Variants in FBXO15 observed in about 807,000 individuals in gnomAD.
The protein encoded by FBXO15 is F-box protein 15.
In FBXO15, 30 loss-of-function variants were observed where a neutral mutation model predicts 49.5. That is an observed-to-expected ratio of 0.61 (90% CI 0.45 to 0.82). FBXO15 has a LOEUF of 0.82. Ranked by LOEUF, FBXO15 falls within the 40% of genes least tolerant of loss-of-function variation. The pLI is 0.00. For missense variants in FBXO15, 591 were observed against 631.5 expected (o/e 0.94, Z 0.69); for synonymous variants, 250 against 232.7 (o/e 1.07, Z -0.68).
chr18:74,085,744 C>T (rs1346438022), intron 8 of FBXO15, among the ~76,000 whole-genome samples: 1 of 152,196 alleles, frequency 6.6e-6, no homozygotes, highest in East Asian at 1.9e-4. Flanking sequence ...ACAAAAACAA[C>T]TGGACATCCA....
intron 8 of FBXO15, among the ~76,000 whole-genome samples, chr18:74,112,684 TAGA>T (rs1914081252): frequency 6.6e-6 from 1 of 152,114 alleles, no homozygotes; most frequent in South Asian, 2.1e-4. Context: ...GAAAAGGAAA[TAGA>T]AGGTATCCTG....
intron 5 of FBXO15, among the ~76,000 whole-genome samples, chr18:74,128,686 G>A (rs1184500349): frequency 2.0e-5 from 3 of 152,202 alleles, no homozygotes; most frequent in African/African-American, 7.2e-5. Flanking sequence ...TTAGGAGGAA[G>A]CAATCAATGA....
chr18:74,106,509 T>TGAAGCC (rs1265423994), intron 8 of FBXO15, among the ~76,000 whole-genome samples: 1 of 152,160 alleles, frequency 6.6e-6, no homozygotes. Flanking sequence ...CAAGCACATG[T>TGAAGCC]GAAGCATTCT....
Position 74,108,585 on chromosome 18 carries a change from C to T in FBXO15, c.1138+14783G>A, listed in dbSNP as rs187237362. 6.1e-5 allele frequency among the ~76,000 whole-genome samples: 9 copies of T among 147,622 alleles called. No individual in the cohort carries two copies. In the East Asian group the frequency reaches 1.8e-3, roughly 29 times the overall value. ...AGAAAACCACAAAAGGTGTAATTTA[C>T]ATGCAATGGAAATACCATAATAAGA... On this transcript the variant is annotated intron_variant, in intron 8 of 9. Coordinates refer to ENST00000419743, the MANE Select transcript of FBXO15 (RefSeq NM_001142958.2).
chr18:74,104,710 G>A (rs922959608), intron 8 of FBXO15, among the ~76,000 whole-genome samples: 1 of 152,118 alleles, frequency 6.6e-6, no homozygotes, highest in African/African-American at 2.4e-5. Context: ...TAATGATAAA[G>A]GGGTCAATTT....
chr18:74,123,297 C>T lies in FBXO15; in HGVS notation c.1138+71G>A, dbSNP rs185450412. The T allele has an allele frequency of 1.1e-5, 16 of 1,510,666 alleles. No individual in the cohort carries two copies. The African/African-American group carries it at 1.7e-4, about 16-fold the overall frequency. The allele number at this position is 1,510,666 out of a possible 1,614,324, so 93.6% of individuals were successfully genotyped here. ...TGACCAGTGAGGGCAATTCTTAACT[C>T]GGACATCAAAATTGGTTCCCTCACC... On this transcript the variant is annotated intron_variant, in intron 8 of 9. Coordinates refer to ENST00000419743, the MANE Select transcript of FBXO15 (RefSeq NM_001142958.2).
chr18:74,147,461 A>C (rs3813116), intron 1 of FBXO15: 54,907 of 1,201,216 alleles, frequency 0.046, 2,538 homozygotes, highest in African/African-American at 0.21. Context: ...TTTCCCCGAG[A>C]GGCTACTCTA....
intron 9 of FBXO15, among the ~76,000 whole-genome samples, chr18:74,077,142 A>T (rs906526319): frequency 6.6e-6 from 1 of 152,200 alleles, no homozygotes; most frequent in African/African-American, 2.4e-5. Context: ...GACTTAGGCC[A>T]GCTTGGTTCA....
chr18:74,123,142 G>A (rs1415442495), intron 8 of FBXO15: 2 of 438,970 alleles, frequency 4.6e-6, no homozygotes, highest in East Asian at 3.8e-5. Flanking sequence ...CCCCCAGAAG[G>A]TGGCATTGAG....
intron 1 of FBXO15, among the ~76,000 whole-genome samples, chr18:74,145,593 A>ATTTTTTT (rs1568186088): frequency 4.6e-5 from 5 of 108,140 alleles, no homozygotes; most frequent in African/African-American, 1.8e-4. Flanking sequence ...AACCAACTGC[A>ATTTTTTT]CTTTTTTTTT....
At chr18:74,082,748 C>G (rs748245988) in intron 8 of FBXO15, among the ~76,000 whole-genome samples, 2 of 152,154 alleles carry the variant, frequency 1.3e-5, no homozygotes, top group Non-Finnish European at 1.5e-5. Flanking sequence ...TCTGTCTGAA[C>G]GCACCCTGAG....
At chr18:74,076,710 G>C (rs377163938) in intron 9 of FBXO15, among the ~76,000 whole-genome samples, 3 of 152,180 alleles carry the variant, frequency 2.0e-5, no homozygotes, top group African/African-American at 7.2e-5. Context: ...ATGAGTCTGA[G>C]CATATCACCC....
intron 8 of FBXO15, among the ~76,000 whole-genome samples, chr18:74,107,656 G>C (rs1473580337): frequency 1.3e-5 from 2 of 152,142 alleles, no homozygotes; most frequent in African/African-American, 4.8e-5. Context: ...GCAAGTCTGA[G>C]AGTTAAAAAC....
intron 9 of FBXO15, among the ~76,000 whole-genome samples, chr18:74,081,159 A>G (rs1912477226): frequency 1.3e-5 from 2 of 152,210 alleles, no homozygotes; most frequent in South Asian, 4.1e-4. Flanking sequence ...CTTCATGATA[A>G]CACCACTCTT....
intron 8 of FBXO15, among the ~76,000 whole-genome samples, chr18:74,117,247 A>C (rs1914271009): frequency 6.6e-6 from 1 of 152,184 alleles, no homozygotes; most frequent in South Asian, 2.1e-4. Flanking sequence ...CTACTTTGTC[A>C]TCTTTTTACT....
chr18:74,134,162 T>A (rs575794210), intron 3 of FBXO15, among the ~76,000 whole-genome samples: 7 of 152,134 alleles, frequency 4.6e-5, no homozygotes, highest in Admixed American at 2.6e-4. Flanking sequence ...ATAGGAAACA[T>A]CTCTTTAAAT....
intron 8 of FBXO15, among the ~76,000 whole-genome samples, chr18:74,113,211 GTA>G (rs1440921940): frequency 2.0e-5 from 3 of 152,146 alleles, no homozygotes; most frequent in Non-Finnish European, 4.4e-5. Flanking sequence ...GGTTAATACT[GTA>G]TGATTCCAAC....
intron 8 of FBXO15, among the ~76,000 whole-genome samples, chr18:74,103,208 A>T (rs1339566563): frequency 6.6e-6 from 1 of 152,090 alleles, no homozygotes; most frequent in Non-Finnish European, 1.5e-5. Flanking sequence ...TCTTGGAACT[A>T]ATGAATACTT....
At chr18:74,091,985 G>A (rs777279373) in intron 8 of FBXO15, among the ~76,000 whole-genome samples, 27 of 152,286 alleles carry the variant, frequency 1.8e-4, no homozygotes, top group Non-Finnish European at 2.8e-4. Context: ...TTTTCAAGGC[G>A]TTTGCTTTCT....
Sources: gnomAD v4.1 joint callset for allele counts (sites outside exome capture counted in the v4.1 genomes callset) on GRCh38, gnomAD v4.1.1 for gene constraint, MANE v1.5 for transcripts, NCBI Gene and HGNC (gene_info 2026-07-23, HGNC 2026-07-21) for gene names.